The following ZNF676 variants were observed in gnomAD, a reference collection of about 807,000 sequenced individuals.
The protein encoded by ZNF676 is zinc finger protein 676.
In ZNF676, 4 loss-of-function variants were observed where a neutral mutation model predicts 6.0. The ratio of observed to expected loss-of-function variants is 0.67; its 90% CI spans 0.33 to 1.53. ZNF676 has a LOEUF of 1.53. Among genes scored for constraint, ZNF676 ranks in the 40% most tolerant of loss-of-function variants. The pLI, the probability that ZNF676 is intolerant of heterozygous loss-of-function variation, is 0.06. For missense variants in ZNF676, 644 were observed against 679.7 expected (o/e 0.95, Z 0.58); for synonymous variants, 198 against 223.1 (o/e 0.89, Z 1.00).
the ZNF676 span, among the ~76,000 whole-genome samples, chr19:22,234,061 C>T: frequency 6.6e-6 from 1 of 152,194 alleles, no homozygotes; most frequent in Admixed American, 6.5e-5. Context: ...TATGTAATCA[C>T]ACATCTGGCC....
chr19:22,181,624 TAGACTC>T, intron 2 of ZNF676, 38 bp from the exon 3 acceptor site: 3 of 1,426,296 alleles, frequency 2.1e-6, no homozygotes, highest in South Asian at 3.0e-5. Context: ...ATCTACATAT[TAGACTC>T]AGATAAGTAC....
chr19:22,179,493 G>T lies in ZNF676; in HGVS notation c.*457C>A. 2.5e-6 allele frequency: 1 copy of T among 405,216 alleles called. No individual in the cohort carries two copies. Among genetic ancestry groups the T allele is most frequent in the Non-Finnish European group, 4.8e-6 (1 of 207,186 alleles). 25.1% of individuals were successfully genotyped at this position (405,216 alleles called of 1,614,324 possible). ...ATTACATGAATGTTTAGTAAGGATT[G>T]AGGAACAGCTAAAAGGCTTGCCACA... On this transcript the variant is annotated 3_prime_UTR_variant, in exon 3 of 3. Transcript: ENST00000397121.
At chr19:22,217,121 C>A (rs1009321933), upstream of ZNF676, among the ~76,000 whole-genome samples, 2 of 152,028 alleles carry the variant, frequency 1.3e-5, no homozygotes, top group African/African-American at 4.8e-5. Flanking sequence ...GCACTCTACC[C>A]AATGTGTAGT....
At chr19:22,202,630 A>G (rs1323029286) in intron 1 of ZNF676, among the ~76,000 whole-genome samples, 1 of 152,232 alleles carries the variant, frequency 6.6e-6, no homozygotes, top group Non-Finnish European at 1.5e-5. Context: ...ACACAATTAC[A>G]TGTGAATGTG....
In ZNF676 at chr19:22,215,604, C is replaced by A. The variant is rs2024176327; in HGVS notation, c.3+28G>T. 2.0e-5 allele frequency: 32 copies of A among 1,610,172 alleles called. No homozygotes were observed. The South Asian group carries it at 3.4e-4, about 17-fold the overall frequency. On this transcript the variant is annotated intron_variant, in intron 1 of 3. Transcript: ENST00000650058. ...GGTTCCAACCAGCCCAGGCCACTCTCTCAGTGTGTCGGACCCGGCACACTC... is the reference window on the plus strand; with the variant it reads ...GGTTCCAACCAGCCCAGGCCACTCTATCAGTGTGTCGGACCCGGCACACTC...
intron 2 of ZNF676, among the ~76,000 whole-genome samples, chr19:22,187,591 C>A (rs961559367): frequency 7.4e-5 from 11 of 148,124 alleles, no homozygotes; most frequent in Middle Eastern, 3.2e-3. Flanking sequence ...TTTTTTTTTT[C>A]AAAAAGATCA....
chr19:22,219,592 A>G (rs2024227834), upstream of ZNF676, among the ~76,000 whole-genome samples: 1 of 152,052 alleles, frequency 6.6e-6, no homozygotes, highest in Non-Finnish European at 1.5e-5. Flanking sequence ...GTCTTGTTCC[A>G]GTTCTCAGAA....
Position 22,179,804 on chromosome 19 carries a change from G to A in ZNF676, c.*146C>T. On this transcript the variant is annotated 3_prime_UTR_variant, in exon 3 of 3. Transcript: ENST00000397121. ...CGTTTGTAGTGTTTCTCTCCAGCAT[G>A]AATTTTCTTATGTGTAATAAAGATT... is the stretch of plus-strand genomic sequence containing the variant. The A allele has an allele frequency of 1.0e-6, 1 of 977,220 alleles. No homozygotes were observed. Among genetic ancestry groups the A allele is most frequent in the Non-Finnish European group, 1.6e-6 (1 of 624,986 alleles). The allele number at this position is 977,220 out of a possible 1,614,324, so 60.5% of individuals were successfully genotyped here.
the ZNF676 span, among the ~76,000 whole-genome samples, chr19:22,234,523 G>A: frequency 1.3e-5 from 2 of 152,224 alleles, no homozygotes; most frequent in Admixed American, 6.5e-5. Flanking sequence ...AGGTCGCATA[G>A]TGACTTGATA....
At chr19:22,204,120 T>A (rs1304180075) in intron 1 of ZNF676, 1 of 152,148 alleles carries the variant, frequency 6.6e-6, no homozygotes, top group East Asian at 1.9e-4. Context: ...TGTCTTTATT[T>A]ATCCTGTAAT....
chr19:22,200,773 C>T (rs1381972594), upstream of ZNF676, among the ~76,000 whole-genome samples: 1 of 152,118 alleles, frequency 6.6e-6, no homozygotes, highest in Non-Finnish European at 1.5e-5. Context: ...TGGTCTCGAA[C>T]TCCTGACCTC....
chr19:22,248,605 A>G, the ZNF676 span, among the ~76,000 whole-genome samples: 1 of 152,206 alleles, frequency 6.6e-6, no homozygotes, highest in Non-Finnish European at 1.5e-5. Context: ...TGGGTCTTTC[A>G]CTGGCGTCCC....
chr19:22,227,516 A>C, the ZNF676 span, among the ~76,000 whole-genome samples: 1 of 152,230 alleles, frequency 6.6e-6, no homozygotes, highest in African/African-American at 2.4e-5. Context: ...AGATTAGAGC[A>C]GAACTGAAGG....
chr19:22,224,331 C>T, the ZNF676 span, among the ~76,000 whole-genome samples: 1 of 151,676 alleles, frequency 6.6e-6, no homozygotes, highest in East Asian at 1.9e-4. Context: ...TGTTTGTACA[C>T]TTTAAGTCAA....
At chr19:22,195,279 T>A (rs914882453) in intron 1 of ZNF676, among the ~76,000 whole-genome samples, 1 of 152,162 alleles carries the variant, frequency 6.6e-6, no homozygotes, top group Non-Finnish European at 1.5e-5. Context: ...TATGGGCTTA[T>A]GGAAACAGGA....
the ZNF676 span, chr19:22,244,442 A>G: frequency 6.6e-6 from 1 of 152,236 alleles, no homozygotes; most frequent in African/African-American, 2.4e-5. Flanking sequence ...CTATTGGCTG[A>G]TTCCAGGTAC....
the ZNF676 span, among the ~76,000 whole-genome samples, chr19:22,253,400 A>ATGTG: frequency 4.3e-5 from 2 of 46,724 alleles, no homozygotes; most frequent in African/African-American, 1.0e-4. Context: ...ATATATGATA[A>ATGTG]TGTGTATATA....
chr19:22,240,374 C>T, the ZNF676 span, among the ~76,000 whole-genome samples: 1,467 of 152,018 alleles, frequency 9.7e-3, 46 homozygotes, highest in African/African-American at 0.033. Flanking sequence ...ACAGAGGAGA[C>T]TCACATCAAA....
intron 2 of ZNF676, 58 bp downstream of exon 2, chr19:22,192,958 G>A (rs1383972854): frequency 3.3e-6 from 5 of 1,518,964 alleles, no homozygotes; most frequent in Non-Finnish European, 4.4e-6. Flanking sequence ...TTTAAGGACT[G>A]GCTTCCTCAT....
Sources: gnomAD v4.1 joint callset for allele counts (sites outside exome capture counted in the v4.1 genomes callset) on GRCh38, gnomAD v4.1.1 for gene constraint, MANE v1.5 for transcripts, NCBI Gene and HGNC (gene_info 2026-07-23, HGNC 2026-07-21) for gene names.